OTOGL: variants seen among roughly 807,000 people sequenced by gnomAD.
The protein encoded by OTOGL is otogelin like.
A neutral mutation model predicts 318.5 loss-of-function variants in OTOGL; 285 were observed. The observed-to-expected ratio is 0.89, with a 90% CI of 0.81 to 0.99. OTOGL has a LOEUF of 0.99. OTOGL is among the 50% of genes least tolerant of loss of function. OTOGL has a pLI of 0.00. For missense variants in OTOGL, 2,899 were observed against 2,845.6 expected, an observed-to-expected ratio of 1.02 and a Z score of -0.43; for synonymous variants, 987 against 936.5, an observed-to-expected ratio of 1.05 and a Z score of -0.99.
At chr12:80,315,218 G>A (rs544029255) in intron 32 of OTOGL, among the ~76,000 whole-genome samples, 10 of 152,214 alleles carry the variant, frequency 6.6e-5, no homozygotes, top group Admixed American at 3.9e-4. Context: ...AAGAAACAAA[G>A]TATAAATGCA....
At chr12:80,160,990 C>T (rs1873474979) in intron 1 of OTOGL, among the ~76,000 whole-genome samples, 1 of 152,024 alleles carries the variant, frequency 6.6e-6, no homozygotes, top group Admixed American at 6.6e-5. Flanking sequence ...AATGAAAAAC[C>T]AAACATTGTG....
chr12:80,169,067 A>AT (rs967237563), intron 1 of OTOGL, among the ~76,000 whole-genome samples: 11 of 151,638 alleles, frequency 7.3e-5, no homozygotes, highest in Middle Eastern at 3.4e-3. Context: ...TGCCTTCTAG[A>AT]TTTTTTTTTC....
chr12:80,337,875 T>A (rs1041020286), intron 42 of OTOGL, among the ~76,000 whole-genome samples: 3 of 152,088 alleles, frequency 2.0e-5, no homozygotes, highest in African/African-American at 7.2e-5. Flanking sequence ...TTTTTTTGAA[T>A]GATAGCATTT....
intron 1 of OTOGL, among the ~76,000 whole-genome samples, chr12:80,204,803 G>A (rs1182563934): frequency 6.6e-6 from 1 of 152,078 alleles, no homozygotes; most frequent in East Asian, 1.9e-4. Flanking sequence ...CTTTATGTTT[G>A]GGATTTGAAT....
intron 1 of OTOGL, among the ~76,000 whole-genome samples, chr12:80,139,648 G>A (rs1341947136): frequency 6.6e-6 from 1 of 152,052 alleles, no homozygotes; most frequent in African/African-American, 2.4e-5. Context: ...AGCTCTTTGA[G>A]GGATTATAAA....
At chr12:80,103,165 C>G in intron 1 of OTOGL, 2 of 1,298,238 alleles carry the variant, frequency 1.5e-6, no homozygotes, top group Non-Finnish European at 1.1e-6. Context: ...CCTCGTACAA[C>G]CTGAACTTCA....
At chr12:80,271,596 C>T (rs1159575316) in intron 23 of OTOGL, 52 bp from the exon 24 acceptor site, 2 of 1,548,550 alleles carry the variant, frequency 1.3e-6, no homozygotes, top group East Asian at 2.3e-5. Context: ...GTTCATATCT[C>T]CCATGCCATG....
rs745708322 is a variant in OTOGL, at chr12:80,279,125, GA to G, written c.2889del (p.Glu963AspfsTer12). On this transcript the variant is annotated frameshift_variant, in exon 26 of 59. Transcript: ENST00000547103. LOFTEE classifies it high-confidence loss of function. ...ACATTATTATTCTTTTGATGGACTA[GA>G]ATATGACTATATCAGTGATTGCCAG... The part of the protein sequence containing the change: ...DRHYYSFDGL[E>X]YDYISDCQVF... The G allele has an allele frequency of 3.1e-6, 5 of 1,594,748 alleles. No individual in the cohort carries two copies. The Admixed American group carries it at 6.7e-5, about 21-fold the overall frequency.
At chr12:80,227,820 A>T (rs934847748) in intron 7 of OTOGL, among the ~76,000 whole-genome samples, 2 of 152,006 alleles carry the variant, frequency 1.3e-5, no homozygotes, top group Non-Finnish European at 2.9e-5. Flanking sequence ...CTTTACTAGA[A>T]GTTCATCTTT....
At chr12:80,196,903 A>G (rs1876112024) in intron 1 of OTOGL, among the ~76,000 whole-genome samples, 1 of 152,172 alleles carries the variant, frequency 6.6e-6, no homozygotes, top group Admixed American at 6.5e-5. Context: ...GGGTGGTCGG[A>G]CATGCCTCAT....
chr12:80,165,165 C>T (rs985358501), intron 1 of OTOGL, among the ~76,000 whole-genome samples: 2 of 152,110 alleles, frequency 1.3e-5, no homozygotes, highest in African/African-American at 4.8e-5. Context: ...TATTTCTTGT[C>T]TTATGTCTGT....
At chr12:80,242,285 G>A (rs541414102) in intron 11 of OTOGL, among the ~76,000 whole-genome samples, 1 of 152,300 alleles carries the variant, frequency 6.6e-6, no homozygotes, top group South Asian at 2.1e-4. Context: ...AACAAAAATA[G>A]CAGGATAGAG....
chr12:80,372,196 A>T (rs1489149837), intron 57 of OTOGL, 132 bp downstream of exon 57: 8 of 570,894 alleles, frequency 1.4e-5, no homozygotes, highest in African/African-American at 1.9e-5. Context: ...ATATTTTTGT[A>T]TCGTATGTTT....
chr12:80,164,394 G>A (rs1873708174), intron 1 of OTOGL, among the ~76,000 whole-genome samples: 1 of 152,024 alleles, frequency 6.6e-6, no homozygotes, highest in South Asian at 2.1e-4. Context: ...TTGGTGGGAG[G>A]TTCTGATTAG....
chr12:80,292,555 T>G (rs895337896), intron 26 of OTOGL, among the ~76,000 whole-genome samples: 1 of 152,156 alleles, frequency 6.6e-6, no homozygotes, highest in Non-Finnish European at 1.5e-5. Flanking sequence ...TCCACAAACT[T>G]CCTTAAGGAA....
intron 42 of OTOGL, 87 bp downstream of exon 42, chr12:80,337,091 C>A: frequency 2.0e-6 from 2 of 980,148 alleles, no homozygotes; most frequent in South Asian, 1.6e-5. Flanking sequence ...GAAAATTAAG[C>A]ATATCAATGG....
At chr12:80,360,855 T>C (rs1177860979) in intron 52 of OTOGL, among the ~76,000 whole-genome samples, 1 of 152,088 alleles carries the variant, frequency 6.6e-6, no homozygotes, top group African/African-American at 2.4e-5. Flanking sequence ...TTTATTTATT[T>C]ATTTTTAAAA....
intron 1 of OTOGL, among the ~76,000 whole-genome samples, chr12:80,156,595 A>T (rs74950978): frequency 2.0e-3 from 302 of 152,242 alleles, no homozygotes; most frequent in Middle Eastern, 6.8e-3. Context: ...AGTCTTTCCC[A>T]TGCTGTTCTA....
At chr12:80,162,813 A>G (rs1873600414) in intron 1 of OTOGL, among the ~76,000 whole-genome samples, 1 of 152,074 alleles carries the variant, frequency 6.6e-6, no homozygotes, top group African/African-American at 2.4e-5. Context: ...GTAGAACTCC[A>G]ATATGGGTTT....
Sources: gnomAD v4.1 joint callset for allele counts (sites outside exome capture counted in the v4.1 genomes callset) on GRCh38, gnomAD v4.1.1 for gene constraint, MANE v1.5 for transcripts, NCBI Gene and HGNC (gene_info 2026-07-23, HGNC 2026-07-21) for gene names.